Variants in ME3 observed in about 807,000 individuals in gnomAD.
The protein encoded by ME3 is malic enzyme 3, also known as NADP-dependent malic enzyme, mitochondrial.
Under a neutral mutation model 68.9 loss-of-function variants are expected in ME3, and 48 were observed. The observed-to-expected ratio is 0.70, with a 90% CI of 0.55 to 0.89. The LOEUF (loss-of-function observed/expected upper bound fraction) is 0.89. ME3 is among the 40% of genes least tolerant of loss of function. ME3 has a pLI of 0.00. For missense variants in ME3, 675 were observed against 797.4 expected, an observed-to-expected ratio of 0.85 and a Z score of 1.85; for synonymous variants, 320 against 318.8, an observed-to-expected ratio of 1.00 and a Z score of -0.04.
chr11:86,666,564 G>A (rs988941393), intron 2 of ME3, among the ~76,000 whole-genome samples: 2 of 152,194 alleles, frequency 1.3e-5, no homozygotes, highest in African/African-American at 4.8e-5. Flanking sequence ...TGTGAAGCTA[G>A]GACAGTATTC....
exon 1 of ME3, chr11:86,672,479 A>G (rs976929491): frequency 3.9e-5 from 6 of 152,144 alleles, no homozygotes; most frequent in African/African-American, 1.4e-4. Context: ...CGGTCCCACA[A>G]CCTTTGTTCT....
chr11:86,644,972 T>C (rs918431628), intron 2 of ME3, among the ~76,000 whole-genome samples: 4 of 152,088 alleles, frequency 2.6e-5, no homozygotes, highest in African/African-American at 9.7e-5. Flanking sequence ...GGGAACTCTC[T>C]CCCTTAGCCA....
chr11:86,542,233 CA>C (rs2139352990), intron 4 of ME3, among the ~76,000 whole-genome samples: 1 of 152,170 alleles, frequency 6.6e-6, no homozygotes, highest in African/African-American at 2.4e-5. Context: ...TTCCAAAAAC[CA>C]GAATGCCTCT....
downstream of ME3, among the ~76,000 whole-genome samples, chr11:86,439,003 C>A (rs1948912085): frequency 6.6e-6 from 1 of 152,104 alleles, no homozygotes; most frequent in East Asian, 1.9e-4. Flanking sequence ...AAGCCAATAT[C>A]CCAGTTAGAA....
intron 4 of ME3, among the ~76,000 whole-genome samples, chr11:86,532,307 TAGAC>T (rs1414182900): frequency 1.3e-5 from 2 of 150,606 alleles, no homozygotes; most frequent in Non-Finnish European, 3.0e-5. Context: ...CTTTCAATAA[TAGAC>T]AGATCAGACA....
At chr11:86,444,758 C>T (rs1404283389) in intron 13 of ME3, among the ~76,000 whole-genome samples, 1 of 152,180 alleles carries the variant, frequency 6.6e-6, no homozygotes, top group African/African-American at 2.4e-5. Flanking sequence ...GAATGCACAT[C>T]TCCTTAAAGT....
At chr11:86,459,182 A>G (rs963261833) in intron 8 of ME3, among the ~76,000 whole-genome samples, 2 of 152,206 alleles carry the variant, frequency 1.3e-5, no homozygotes, top group Non-Finnish European at 2.9e-5. Flanking sequence ...GCACATTCAA[A>G]ATCATGGAGT....
chr11:86,662,105 C>T (rs1330605096), intron 2 of ME3, among the ~76,000 whole-genome samples: 4 of 152,270 alleles, frequency 2.6e-5, no homozygotes, highest in Non-Finnish European at 5.9e-5. Context: ...CAGCAGGGAA[C>T]AGGGAATACA....
chr11:86,509,220 G>C (rs1364645692), intron 4 of ME3, among the ~76,000 whole-genome samples: 1 of 151,568 alleles, frequency 6.6e-6, no homozygotes, highest in African/African-American at 2.4e-5. Flanking sequence ...TCTTTTCCAG[G>C]TCCCTCCTCC....
intron 2 of ME3, among the ~76,000 whole-genome samples, chr11:86,645,462 C>T (rs771839616): frequency 4.6e-5 from 7 of 152,144 alleles, no homozygotes; most frequent in East Asian, 1.9e-4. Context: ...TTGGACTGTG[C>T]GGAGCCCACT....
chr11:86,560,435 T>G (rs915392974), intron 2 of ME3, among the ~76,000 whole-genome samples: 1 of 152,110 alleles, frequency 6.6e-6, no homozygotes, highest in Non-Finnish European at 1.5e-5. Context: ...ATTTATAAAT[T>G]ACCTAGTCTC....
intron 4 of ME3, among the ~76,000 whole-genome samples, chr11:86,524,148 A>G (rs1185684403): frequency 6.6e-6 from 1 of 152,224 alleles, no homozygotes; most frequent in Non-Finnish European, 1.5e-5. Context: ...CACTTTATAA[A>G]ACAAACACCT....
chr11:86,560,742 G>GTATA (rs1201892920), intron 2 of ME3, among the ~76,000 whole-genome samples: 2 of 58,296 alleles, frequency 3.4e-5, no homozygotes, highest in Non-Finnish European at 7.7e-5. Flanking sequence ...GTGTGTGTGT[G>GTATA]TGTGTGTATA....
chr11:86,665,071 A>G (rs1170870864), intron 2 of ME3, among the ~76,000 whole-genome samples: 3 of 152,210 alleles, frequency 2.0e-5, no homozygotes, highest in Non-Finnish European at 4.4e-5. Context: ...AAGGGAAGAG[A>G]TGAGAGGAGG....
At chr11:86,641,939 T>A (rs752447028) in intron 2 of ME3, among the ~76,000 whole-genome samples, 11 of 152,196 alleles carry the variant, frequency 7.2e-5, no homozygotes, top group Non-Finnish European at 1.6e-4. Context: ...TGAGTCAAAC[T>A]AGCCAAGAAA....
intron 8 of ME3, chr11:86,462,734 T>C (rs1950283655): frequency 3.7e-6 from 2 of 541,048 alleles, no homozygotes; most frequent in Non-Finnish European, 6.5e-6. Flanking sequence ...TATTATCTTC[T>C]GGGAAGGCAG....
chr11:86,451,425 G>A (rs1290166481), intron 8 of ME3, among the ~76,000 whole-genome samples: 1 of 152,228 alleles, frequency 6.6e-6, no homozygotes, highest in African/African-American at 2.4e-5. Context: ...ATGTATGTTA[G>A]ACAGCATCTT....
In ME3 at chr11:86,442,240, A is replaced by G. The variant is rs1373429773; in HGVS notation, c.1653+581T>C. ...ACAGTCTTATAGTCTGGAATATTCC[A>G]TGAAGCTGATCACCCCATAGCCAGC... On this transcript the variant is annotated intron_variant, in intron 14 of 14. Transcript: ENST00000543262. Among the ~76,000 whole-genome samples the G allele has an allele frequency of 3.3e-5, 5 of 152,200 alleles. No homozygotes were observed. In the East Asian group the frequency reaches 9.6e-4, roughly 29 times the overall value.
intron 2 of ME3, among the ~76,000 whole-genome samples, chr11:86,604,091 A>C (rs1036313304): frequency 1.3e-5 from 2 of 150,456 alleles, no homozygotes; most frequent in African/African-American, 4.9e-5. Flanking sequence ...AACTTAAAGT[A>C]TAATAATAAA....
Sources: allele counts gnomAD v4.1 joint callset (sites outside exome capture counted in the v4.1 genomes callset), GRCh38; gene constraint gnomAD v4.1.1; transcripts MANE v1.5; gene names NCBI Gene and HGNC (gene_info 2026-07-23, HGNC 2026-07-21).